The following FOXP1 variants were observed in gnomAD, a reference collection of about 807,000 sequenced individuals.
FOXP1 encodes the protein forkhead box P1.
Under a neutral mutation model 98.2 loss-of-function variants are expected in FOXP1, and 15 were observed. The observed-to-expected ratio is 0.15, with a 90% CI of 0.10 to 0.24. FOXP1 has a LOEUF of 0.24. FOXP1 is among the 10% of genes least tolerant of loss of function. The pLI is 1.00. For missense variants in FOXP1, 633 were observed against 848.5 expected (o/e 0.75, Z 3.15); for synonymous variants, 371 against 314.5 (o/e 1.18, Z -1.90).
intron 6 of FOXP1, among the ~76,000 whole-genome samples, chr3:71,191,753 GT>G (rs1222028396): frequency 2.0e-5 from 3 of 152,308 alleles, no homozygotes; most frequent in Admixed American, 6.5e-5. Context: ...TTAAGAACAT[GT>G]TGGGGGGTCA....
At chr3:71,429,872 T>C (rs981608928) in intron 3 of FOXP1, among the ~76,000 whole-genome samples, 1 of 152,228 alleles carries the variant, frequency 6.6e-6, no homozygotes, top group African/African-American at 2.4e-5. Flanking sequence ...GTGTGGTTTA[T>C]TCCTCACTCT....
intron 3 of FOXP1, among the ~76,000 whole-genome samples, chr3:71,364,703 C>CA (rs1472680430): frequency 1.3e-5 from 2 of 152,170 alleles, no homozygotes; most frequent in Non-Finnish European, 2.9e-5. Flanking sequence ...CATTGCAGTA[C>CA]AACTGGTAGA....
intron 2 of FOXP1, among the ~76,000 whole-genome samples, chr3:71,560,813 A>C (rs1040411287): frequency 6.6e-6 from 1 of 152,154 alleles, no homozygotes; most frequent in Non-Finnish European, 1.5e-5. Flanking sequence ...AAGGCCACAG[A>C]GAGTTTCATT....
chr3:71,329,003 A>AAAAAAAC, intron 4 of FOXP1, among the ~76,000 whole-genome samples: 1 of 143,846 alleles, frequency 7.0e-6, no homozygotes, highest in Non-Finnish European at 1.5e-5. Flanking sequence ...AAAAAAAAAA[A>AAAAAAAC]CTGACAGTTT....
chr3:71,443,453 G>A (rs558730525), intron 3 of FOXP1, among the ~76,000 whole-genome samples: 3 of 152,282 alleles, frequency 2.0e-5, no homozygotes, highest in East Asian at 1.9e-4. Context: ...CTATCTAACC[G>A]TAACTCTGGG....
intron 5 of FOXP1, among the ~76,000 whole-genome samples, chr3:71,205,891 A>G (rs796269633): frequency 4.6e-5 from 7 of 152,348 alleles, no homozygotes; most frequent in African/African-American, 1.7e-4. Flanking sequence ...CTTATTTTCA[A>G]TAATGTAATA....
intron 5 of FOXP1, among the ~76,000 whole-genome samples, chr3:71,204,888 A>G (rs774411492): frequency 3.9e-5 from 6 of 152,160 alleles, no homozygotes; most frequent in Non-Finnish European, 7.3e-5. Context: ...TTGTCTATCC[A>G]CTGTCCTCCT....
intron 6 of FOXP1, among the ~76,000 whole-genome samples, chr3:71,173,668 A>T (rs1478512054): frequency 6.6e-6 from 1 of 152,204 alleles, no homozygotes; most frequent in African/African-American, 2.4e-5. Context: ...AATATCTAGT[A>T]AGGAATTACC....
chr3:70,977,181 T>C (rs2107302051), intron 16 of FOXP1, 139 bp from the exon 17 acceptor site: 1 of 668,760 alleles, frequency 1.5e-6, no homozygotes, highest in Non-Finnish European at 2.7e-6. Flanking sequence ...CTAAGATTAA[T>C]GGTTGTATTT....
At position 71,027,223 on chromosome 3, in the gene FOXP1, G is replaced by A. The variant is rs533194682; in HGVS notation, c.870-11570C>T. On this transcript the variant is annotated intron_variant, in intron 11 of 20. Coordinates refer to ENST00000649528, the MANE Select transcript of FOXP1 (RefSeq NM_001349338.3). ...GGTCTATGTGGAACCTTGTCCATATGTTAGAGGAACCAATGACACCCAAAA... is the reference window on the plus strand; with the variant it reads ...GGTCTATGTGGAACCTTGTCCATATATTAGAGGAACCAATGACACCCAAAA... Among the ~76,000 whole-genome samples the A allele has an allele frequency of 2.0e-5, 3 of 150,882 alleles. 1 individual carries two copies. The South Asian group carries it at 6.7e-4, about 33-fold the overall frequency.
At chr3:71,562,471 CTA>C (rs1225404813) in intron 2 of FOXP1, among the ~76,000 whole-genome samples, 1 of 152,138 alleles carries the variant, frequency 6.6e-6, no homozygotes, top group East Asian at 1.9e-4. Context: ...ATCTACTGAA[CTA>C]TGTGTTGGGC....
chr3:71,363,717 G>A (rs1336654742), intron 3 of FOXP1, among the ~76,000 whole-genome samples: 3 of 152,112 alleles, frequency 2.0e-5, no homozygotes, highest in Non-Finnish European at 2.9e-5. Context: ...CCAGCTAAAC[G>A]TTCATCAAAT....
chr3:71,248,936 G>A (rs1325785362), intron 5 of FOXP1, among the ~76,000 whole-genome samples: 1 of 152,132 alleles, frequency 6.6e-6, no homozygotes, highest in African/African-American at 2.4e-5. Context: ...AAAAAAGCCA[G>A]TGGGAAGGGT....
intron 4 of FOXP1, among the ~76,000 whole-genome samples, chr3:71,340,308 C>A (rs1033062805): frequency 6.6e-6 from 1 of 152,200 alleles, no homozygotes; most frequent in Admixed American, 6.5e-5. Context: ...AGTTATAACT[C>A]TTTGATTTGT....
chr3:71,438,872 C>T (rs2085628336), intron 3 of FOXP1, among the ~76,000 whole-genome samples: 1 of 152,142 alleles, frequency 6.6e-6, no homozygotes, highest in Admixed American at 6.5e-5. Flanking sequence ...GGCTGGAGGA[C>T]TGAGCATCCC....
intron 7 of FOXP1, among the ~76,000 whole-genome samples, chr3:71,057,320 TTTTTTTTC>T (rs2050807312): frequency 7.4e-6 from 1 of 135,614 alleles, no homozygotes. Context: ...TTTTTTTTTT[TTTTTTTTC>T]AGATTTCATG....
chr3:71,041,618 C>G, intron 10 of FOXP1, 86 bp from the exon 11 acceptor site: 1 of 1,351,180 alleles, frequency 7.4e-7, no homozygotes, highest in Non-Finnish European at 1.0e-6. Flanking sequence ...AGTCAGTAAA[C>G]AAAGCCTAGT....
chr3:71,392,824 C>T (rs2081128025), intron 3 of FOXP1, among the ~76,000 whole-genome samples: 1 of 152,102 alleles, frequency 6.6e-6, no homozygotes, highest in Non-Finnish European at 1.5e-5. Flanking sequence ...AAGAATAAGA[C>T]TGTAATAACT....
chr3:71,146,926 G>C (rs1576025736), intron 6 of FOXP1, among the ~76,000 whole-genome samples: 1 of 152,198 alleles, frequency 6.6e-6, no homozygotes, highest in Admixed American at 6.5e-5. Flanking sequence ...CATCACCAGC[G>C]AGCGCTGCTC....
Sources: allele counts gnomAD v4.1 joint callset (sites outside exome capture counted in the v4.1 genomes callset), GRCh38; gene constraint gnomAD v4.1.1; transcripts MANE v1.5; gene names NCBI Gene and HGNC (gene_info 2026-07-23, HGNC 2026-07-21).